PRTG: variants seen among roughly 807,000 people sequenced by gnomAD.
PRTG encodes immunoglobulin superfamily, DCC subclass, member 5.
A neutral mutation model predicts 122.5 loss-of-function variants in PRTG; 67 were observed. The observed-to-expected ratio is 0.55, with a 90% CI of 0.45 to 0.67. The LOEUF (loss-of-function observed/expected upper bound fraction) is 0.67, where lower values mean the gene tolerates loss of function less well. Among genes scored for constraint, PRTG ranks in the 30% least tolerant of loss-of-function variants. The probability of loss-of-function intolerance (pLI) is 0.00; values close to 1 mark genes in which losing one functional copy is unlikely to be tolerated. For synonymous variants in PRTG, 554 were observed against 501.1 expected, an observed-to-expected ratio of 1.11 and a Z score of -1.41; for missense variants, 1,435 against 1,415.4, an observed-to-expected ratio of 1.01 and a Z score of -0.22.
chr15:55,719,850 G>A (rs1177891904), intron 2 of PRTG, among the ~76,000 whole-genome samples: 1 of 152,104 alleles, frequency 6.6e-6, no homozygotes, highest in Non-Finnish European at 1.5e-5. Context: ...CCTGAGGTCA[G>A]GAGTTCAAGA....
intron 2 of PRTG, among the ~76,000 whole-genome samples, chr15:55,714,205 G>GTCTGTCTC (rs2030508771): frequency 7.0e-6 from 1 of 142,684 alleles, no homozygotes; most frequent in Non-Finnish European, 1.5e-5. Context: ...CTATTTATCT[G>GTCTGTCTC]TCTCTCTCTC....
intron 2 of PRTG, among the ~76,000 whole-genome samples, chr15:55,686,136 G>C (rs919447307): frequency 6.6e-6 from 1 of 152,058 alleles, no homozygotes; most frequent in African/African-American, 2.4e-5. Flanking sequence ...AGGTAAGTTT[G>C]TCTTTTTATA....
At chr15:55,638,907 C>G (rs1334452637) in intron 13 of PRTG, among the ~76,000 whole-genome samples, 4 of 152,026 alleles carry the variant, frequency 2.6e-5, no homozygotes, top group Admixed American at 2.0e-4. Context: ...ACAGTAAACT[C>G]GAAATGTCCC....
intron 2 of PRTG, among the ~76,000 whole-genome samples, chr15:55,722,021 T>C (rs941918966): frequency 1.3e-5 from 2 of 152,162 alleles, no homozygotes; most frequent in Non-Finnish European, 1.5e-5. Flanking sequence ...TAACTGCCCC[T>C]TCCCCCAGAC....
chr15:55,626,984 A>G lies in PRTG; in HGVS notation c.2927+24T>C, dbSNP rs2059198433. ...CGTAATTTAAATGTTTTTCACCTCA[A>G]CATCTCTAGCAATGGAAACACACCT... is the stretch of plus-strand genomic sequence containing the variant. On this transcript the variant is annotated intron_variant, in intron 17 of 19. Coordinates refer to ENST00000389286, the MANE Select transcript of PRTG (RefSeq NM_173814.6). The G allele has an allele frequency of 1.9e-6, 3 of 1,583,448 alleles. No individual in the cohort carries two copies. In the African/African-American group the frequency reaches 4.1e-5, roughly 22 times the overall value.
chr15:55,721,159 T>A (rs564409355), intron 2 of PRTG, among the ~76,000 whole-genome samples: 4 of 152,306 alleles, frequency 2.6e-5, no homozygotes, highest in Admixed American at 2.6e-4. Flanking sequence ...AGTACTGCCA[T>A]TGTAAAATCG....
At chr15:55,688,909 G>A (rs1311224668) in intron 2 of PRTG, among the ~76,000 whole-genome samples, 2 of 152,152 alleles carry the variant, frequency 1.3e-5, no homozygotes, top group East Asian at 3.9e-4. Context: ...TTCTTCCAAA[G>A]CTGTATCTCT....
At chr15:55,693,008 T>G (rs77705138) in intron 2 of PRTG, among the ~76,000 whole-genome samples, 18,559 of 143,544 alleles carry the variant, frequency 0.13, 1,399 homozygotes, top group East Asian at 0.36. Context: ...GGCCAGCTAA[T>G]TTTTTTTTTT....
intron 13 of PRTG, 47 bp from the exon 14 acceptor site, chr15:55,638,723 G>A (rs773721598): frequency 2.3e-5 from 36 of 1,536,922 alleles, no homozygotes; most frequent in Non-Finnish European, 3.2e-5. Context: ...GTATAATATT[G>A]TTTGTAAAAG....
chr15:55,720,624 G>A (rs548320230), intron 2 of PRTG, among the ~76,000 whole-genome samples: 1 of 151,964 alleles, frequency 6.6e-6, no homozygotes, highest in African/African-American at 2.4e-5. Context: ...GTTGATTCTG[G>A]GCCCCCATGC....
intron 1 of PRTG, among the ~76,000 whole-genome samples, chr15:55,741,089 C>G (rs2031592765): frequency 6.6e-6 from 1 of 152,226 alleles, no homozygotes. Context: ...AACTCCAACT[C>G]TGTGAACAAG....
chr15:55,691,822 G>A (rs2059604224), intron 2 of PRTG, among the ~76,000 whole-genome samples: 2 of 151,828 alleles, frequency 1.3e-5, no homozygotes, highest in African/African-American at 4.8e-5. Flanking sequence ...ACCTATTAAA[G>A]ATAGGAAAGT....
chr15:55,687,612 T>C (rs1453964729), intron 2 of PRTG, among the ~76,000 whole-genome samples: 1 of 152,162 alleles, frequency 6.6e-6, no homozygotes, highest in Admixed American at 6.5e-5. Flanking sequence ...TTAGGCCTAA[T>C]GGGCTGGAAC....
intron 16 of PRTG, among the ~76,000 whole-genome samples, chr15:55,627,492 G>GTTTTTTTTTTTTTTTTTTTTTTTTT (rs35022592): frequency 9.5e-6 from 1 of 104,774 alleles, no homozygotes; most frequent in Non-Finnish European, 1.8e-5. Flanking sequence ...GCCCAGCTAA[G>GTTTTTTTTTTTTTTTTTTTTTTTTT]TTTTTTTTTT....
At chr15:55,656,217 C>G (rs147963307) in intron 11 of PRTG, 1 of 351,970 alleles carries the variant, frequency 2.8e-6, no homozygotes, top group Non-Finnish European at 5.5e-6. Context: ...CAGGATTACA[C>G]GCTCCACATC....
chr15:55,623,918 G>C (rs1450569098), intron 18 of PRTG, among the ~76,000 whole-genome samples: 1 of 152,080 alleles, frequency 6.6e-6, no homozygotes, highest in African/African-American at 2.4e-5. Context: ...GGGATGTTCT[G>C]ATAAGCAATT....
chr15:55,707,164 T>A (rs2030163856), intron 2 of PRTG, among the ~76,000 whole-genome samples: 1 of 152,246 alleles, frequency 6.6e-6, no homozygotes, highest in Admixed American at 6.5e-5. Context: ...GTGAGTTTTT[T>A]AATGATTCAC....
chr15:55,694,877 T>G (rs750315482), intron 2 of PRTG, among the ~76,000 whole-genome samples: 20 of 152,342 alleles, frequency 1.3e-4, no homozygotes, highest in Non-Finnish European at 2.6e-4. Context: ...AGCCTCCTTG[T>G]GAAACCTGAC....
intron 15 of PRTG, among the ~76,000 whole-genome samples, chr15:55,630,108 T>C (rs2059219343): frequency 6.6e-6 from 1 of 151,390 alleles, no homozygotes. Flanking sequence ...CGCCTCAGCC[T>C]CCTGAGTAGC....
Sources: gnomAD v4.1 joint callset for allele counts (sites outside exome capture counted in the v4.1 genomes callset) on GRCh38, gnomAD v4.1.1 for gene constraint, MANE v1.5 for transcripts, NCBI Gene and HGNC (gene_info 2026-07-23, HGNC 2026-07-21) for gene names.